Variants in RAB6B observed in about 807,000 individuals in gnomAD.
The protein encoded by RAB6B is RAB6B, member RAS oncogene family, also known as ras-related protein Rab-6B.
Under a neutral mutation model 31.2 loss-of-function variants are expected in RAB6B, and 7 were observed. The observed-to-expected ratio is 0.22, with a 90% CI of 0.13 to 0.42. The LOEUF is 0.42. Among genes scored for constraint, RAB6B ranks in the 10% least tolerant of loss-of-function variants. The pLI is 1.00. For missense variants in RAB6B, 149 were observed against 280.6 expected, an observed-to-expected ratio of 0.53 and a Z score of 3.35; for synonymous variants, 105 against 104.9, an observed-to-expected ratio of 1.00 and a Z score of -0.01.
chr3:133,864,034 G>A (rs62280643), intron 2 of RAB6B, among the ~76,000 whole-genome samples: 15,741 of 152,002 alleles, frequency 0.1, 1,604 homozygotes, highest in African/African-American at 0.27. Context: ...GAGCTGCAGA[G>A]GTCACCGCAT....
intron 7 of RAB6B, among the ~76,000 whole-genome samples, chr3:133,831,034 T>C (rs1047013201): frequency 5.9e-5 from 9 of 152,190 alleles, no homozygotes; most frequent in East Asian, 3.8e-4. Context: ...AGCTTGAAGG[T>C]TGGCCACTGT....
At chr3:133,867,950 C>T (rs1936260125) in intron 1 of RAB6B, among the ~76,000 whole-genome samples, 1 of 152,198 alleles carries the variant, frequency 6.6e-6, no homozygotes, top group Admixed American at 6.5e-5. Flanking sequence ...TACCCATGCC[C>T]TCGTCACTTC....
intron 2 of RAB6B, among the ~76,000 whole-genome samples, chr3:133,849,184 G>C (rs1306294984): frequency 6.6e-6 from 1 of 152,126 alleles, no homozygotes; most frequent in Non-Finnish European, 1.5e-5. Flanking sequence ...TGAGCCCTCA[G>C]GTTGGTCCAG....
chr3:133,870,091 G>A (rs1254993561), intron 1 of RAB6B, among the ~76,000 whole-genome samples: 1 of 152,138 alleles, frequency 6.6e-6, no homozygotes, highest in African/African-American at 2.4e-5. Flanking sequence ...CGTGAGACTG[G>A]GTCATTTATA....
At position 133,828,105 on chromosome 3, in the gene RAB6B, G is replaced by A. The variant is rs1443191131; in HGVS notation, c.*683C>T. ...GGAAAGAGAAGGAGAGGTGGGAGCA[G>A]TTCCTCTGGGGGCTGCTGCCGGGCT... On this transcript the variant is annotated 3_prime_UTR_variant, in exon 8 of 8. Transcript: ENST00000285208. The A allele has an allele frequency of 3.1e-6, 2 of 647,296 alleles. No homozygotes were observed. The highest frequency in any genetic ancestry group is 5.5e-5 in the East Asian group (2 of 36,582). The allele number at this position is 647,296 out of a possible 1,614,324, so 40.1% of individuals were successfully genotyped here. A position where few individuals can be genotyped will look rare whatever the true frequency, so the allele number is the denominator to read the frequency against.
chr3:133,879,043 T>C (rs557696637), intron 1 of RAB6B, among the ~76,000 whole-genome samples: 13 of 152,316 alleles, frequency 8.5e-5, no homozygotes, highest in African/African-American at 2.4e-4. Flanking sequence ...TCATTTCTTG[T>C]GTGATCTTGG....
At chr3:133,836,601 G>A (rs1935738825) in intron 6 of RAB6B, among the ~76,000 whole-genome samples, 2 of 152,168 alleles carry the variant, frequency 1.3e-5, no homozygotes, top group South Asian at 4.1e-4. Context: ...TGACCCTGAC[G>A]GCTGAGGCAG....
intron 1 of RAB6B, among the ~76,000 whole-genome samples, chr3:133,872,427 C>A (rs1475919098): frequency 6.6e-6 from 1 of 152,268 alleles, no homozygotes; most frequent in Non-Finnish European, 1.5e-5. Flanking sequence ...TGCTCATAGT[C>A]TACCATTCCT....
At chr3:133,840,833 G>A (rs1361609475) in intron 4 of RAB6B, among the ~76,000 whole-genome samples, 1 of 152,024 alleles carries the variant, frequency 6.6e-6, no homozygotes, top group Non-Finnish European at 1.5e-5. Flanking sequence ...AGACCCCCTT[G>A]CCTACCTTCC....
chr3:133,829,745 A>G (rs114810787), intron 7 of RAB6B, among the ~76,000 whole-genome samples: 7 of 152,300 alleles, frequency 4.6e-5, no homozygotes, highest in African/African-American at 1.7e-4. Flanking sequence ...TGTTTTAAGT[A>G]CTATGAAAAG....
chr3:133,892,925 A>C (rs1936656571), intron 1 of RAB6B, among the ~76,000 whole-genome samples: 1 of 152,210 alleles, frequency 6.6e-6, no homozygotes, highest in South Asian at 2.1e-4. Flanking sequence ...AGGCTTAGAG[A>C]TGCACATACA....
intron 1 of RAB6B, among the ~76,000 whole-genome samples, chr3:133,867,771 T>A (rs1936258272): frequency 6.6e-6 from 1 of 152,106 alleles, no homozygotes; most frequent in Admixed American, 6.5e-5. Flanking sequence ...GCTCAGAAAG[T>A]GAGGGTTTTA....
At chr3:133,887,895 T>A (rs912183682) in intron 1 of RAB6B, among the ~76,000 whole-genome samples, 2 of 152,170 alleles carry the variant, frequency 1.3e-5, no homozygotes, top group Admixed American at 6.5e-5. Flanking sequence ...GCTGCCCCCA[T>A]AGGCTCTATC....
At position 133,856,730 on chromosome 3, in the gene RAB6B, T is replaced by C. The variant is rs542634974; in HGVS notation, c.129+7854A>G. On this transcript the variant is annotated intron_variant, in intron 2 of 7. Coordinates refer to ENST00000285208, the MANE Select transcript of RAB6B (RefSeq NM_016577.4). ...TCATTTTGTAGTTACCATAAGTAAG[T>C]TCTTAGATGCCCTCAAAAGTCCAAC... Among the ~76,000 whole-genome samples, 258 of 152,294 alleles carry C rather than the reference T, an allele frequency of 1.7e-3. 1 individual carries two copies. The highest frequency in any genetic ancestry group is 5.9e-3 in the African/African-American group (244 of 41,568).
chr3:133,866,318 G>C (rs1437964352), intron 1 of RAB6B, among the ~76,000 whole-genome samples: 1 of 152,200 alleles, frequency 6.6e-6, no homozygotes, highest in Non-Finnish European at 1.5e-5. Flanking sequence ...GGTCAGAGCT[G>C]AGTGGGGCTG....
intron 2 of RAB6B, among the ~76,000 whole-genome samples, chr3:133,850,706 G>A (rs1297822558): frequency 6.6e-6 from 1 of 152,108 alleles, no homozygotes; most frequent in Non-Finnish European, 1.5e-5. Flanking sequence ...CCCAGAAGTA[G>A]AGGAGATGGA....
chr3:133,838,395 A>G (rs1935773442), intron 5 of RAB6B, 136 bp from the exon 6 acceptor site: 1 of 785,132 alleles, frequency 1.3e-6, no homozygotes, highest in Non-Finnish European at 2.2e-6. Flanking sequence ...TCTGATCCCA[A>G]GGGTCCCTCC....
Position 133,895,662 on chromosome 3 carries a change from G to GA in RAB6B, c.-197_-196insT, listed in dbSNP as rs1936701268. The GA allele has an allele frequency of 5.0e-6, 3 of 600,728 alleles. No individual in the cohort carries two copies. The highest frequency in any genetic ancestry group is 3.8e-5 in the African/African-American group (2 of 52,586). 37.2% of individuals were successfully genotyped at this position (600,728 alleles called of 1,614,324 possible). A position where few individuals can be genotyped will look rare whatever the true frequency, so the allele number is the denominator to read the frequency against. On this transcript the variant is annotated 5_prime_UTR_variant, in exon 1 of 8. Coordinates refer to ENST00000285208, the MANE Select transcript of RAB6B (RefSeq NM_016577.4). ...CGTGTCCGGCGGCGGAGGAGGAGGA[G>GA]GAGAGAGAGGCGGAGGCGGAGGAAG...
intron 1 of RAB6B, among the ~76,000 whole-genome samples, chr3:133,866,631 C>A (rs1040429704): frequency 6.6e-6 from 1 of 152,242 alleles, no homozygotes; most frequent in Non-Finnish European, 1.5e-5. Flanking sequence ...AGCATTCTGA[C>A]TGCTTTAAAT....
Sources: gnomAD v4.1 joint callset for allele counts (sites outside exome capture counted in the v4.1 genomes callset) on GRCh38, gnomAD v4.1.1 for gene constraint, MANE v1.5 for transcripts, NCBI Gene and HGNC (gene_info 2026-07-23, HGNC 2026-07-21) for gene names.